Variants in CADPS observed in about 807,000 individuals in gnomAD.
CADPS encodes calcium dependent secretion activator.
CADPS carries 57 observed loss-of-function variants against 167.3 expected under a neutral mutation model. The ratio of observed to expected loss-of-function variants is 0.34; its 90% CI spans 0.28 to 0.42. CADPS has a LOEUF of 0.42. CADPS is among the 20% of genes least tolerant of loss of function. CADPS has a pLI of 1.00. For synonymous variants in CADPS, 676 were observed against 635.3 expected (o/e 1.06, Z -0.96); for missense variants, 1,414 against 1,738.1 (o/e 0.81, Z 3.32).
rs533813903 is a variant in CADPS at position 62,493,805 on chromosome 3, C to A, written c.2707-140G>T. The A allele has an allele frequency of 5.9e-5, 40 of 682,764 alleles. No homozygotes were observed. In the African/African-American group the frequency reaches 6.6e-4, roughly 11 times the overall value. The allele number at this position is 682,764 out of a possible 1,614,324, so 42.3% of individuals were successfully genotyped here. Reference sequence around the variant, plus strand: ...TCAGATTAATGGGAGAGGGGAGATGCTGGCCTGTCAGCAAAAAAAAGCCTA... The same window carrying A: ...TCAGATTAATGGGAGAGGGGAGATGATGGCCTGTCAGCAAAAAAAAGCCTA... On this transcript the variant is annotated intron_variant, in intron 18 of 29. Transcript: ENST00000383710.
intron 6 of CADPS, among the ~76,000 whole-genome samples, chr3:62,610,970 G>A (rs2061427296): frequency 6.6e-6 from 1 of 152,078 alleles, no homozygotes; most frequent in South Asian, 2.1e-4. Flanking sequence ...GGGTGTGGGG[G>A]AGAGAGTAGG....
intron 26 of CADPS, among the ~76,000 whole-genome samples, chr3:62,460,831 AC>A (rs886950823): frequency 2.6e-5 from 4 of 152,190 alleles, no homozygotes; most frequent in Non-Finnish European, 4.4e-5. Flanking sequence ...GACTGGACAT[AC>A]GGTAGGTTTC....
At chr3:62,858,539 T>C (rs2080141151) in intron 1 of CADPS, among the ~76,000 whole-genome samples, 1 of 152,144 alleles carries the variant, frequency 6.6e-6, no homozygotes, top group South Asian at 2.1e-4. Flanking sequence ...GGTATAATTT[T>C]TCATACCTGA....
Position 62,650,888 on chromosome 3 carries a change from G to T in CADPS, c.1162C>A (p.Gln388Lys), listed in dbSNP as rs2069939436. Residue 388 changes from glutamine (Q) to lysine (K), a missense_variant, in exon 5 of 30, where the codon CAG becomes AAG. Coordinates refer to ENST00000383710, the MANE Select transcript of CADPS (RefSeq NM_003716.4). ...IIDMGEESEN[Q>K]LSKSDVVLSF... ...AGCACGACATCTGACTTGGAGAGCTGGTTCTCACTCTCCTCGCCCATGTCG... is the reference window on the plus strand; with the variant it reads ...AGCACGACATCTGACTTGGAGAGCTTGTTCTCACTCTCCTCGCCCATGTCG... The T allele has an allele frequency of 6.2e-7, 1 of 1,614,000 alleles. No individual in the cohort carries two copies. The highest frequency in any genetic ancestry group is 8.5e-7 in the Non-Finnish European group (1 of 1,179,958).
intron 1 of CADPS, among the ~76,000 whole-genome samples, chr3:62,873,446 A>G (rs1209788649): frequency 2.0e-5 from 3 of 152,112 alleles, no homozygotes; most frequent in Non-Finnish European, 4.4e-5. Context: ...TGATAGCTCA[A>G]GTGCTGCAAA....
chr3:62,605,257 A>C (rs796260675), intron 6 of CADPS, among the ~76,000 whole-genome samples: 1 of 152,064 alleles, frequency 6.6e-6, no homozygotes, highest in African/African-American at 2.4e-5. Context: ...AAACAAAAAA[A>C]AAAAAACTGG....
chr3:62,469,344 T>C (rs1217490233), intron 24 of CADPS, among the ~76,000 whole-genome samples: 2 of 152,194 alleles, frequency 1.3e-5, no homozygotes, highest in African/African-American at 2.4e-5. Flanking sequence ...TATTGTTCTG[T>C]GCAGATGTGA....
At chr3:62,642,252 T>G (rs1451734847) in intron 6 of CADPS, among the ~76,000 whole-genome samples, 2 of 152,180 alleles carry the variant, frequency 1.3e-5, no homozygotes, top group Non-Finnish European at 2.9e-5. Flanking sequence ...AATGGAGTTT[T>G]GGTTTTAGAA....
chr3:62,542,345 A>G (rs1277426743), intron 11 of CADPS, among the ~76,000 whole-genome samples: 1 of 152,164 alleles, frequency 6.6e-6, no homozygotes, highest in Non-Finnish European at 1.5e-5. Context: ...TGTGCTTGTC[A>G]TATCTGCTTG....
intron 3 of CADPS, among the ~76,000 whole-genome samples, chr3:62,694,936 C>A (rs35354258): frequency 2.0e-5 from 3 of 151,952 alleles, no homozygotes; most frequent in Admixed American, 1.3e-4. Flanking sequence ...ACAGAATTCA[C>A]GGGCCCAGCA....
chr3:62,494,984 A>G (rs1393764082), intron 18 of CADPS, among the ~76,000 whole-genome samples: 1 of 152,122 alleles, frequency 6.6e-6, no homozygotes, highest in Non-Finnish European at 1.5e-5. Flanking sequence ...TTTTAGCTTA[A>G]AAGTTGCAAA....
chr3:62,592,565 T>C, intron 7 of CADPS, 72 bp downstream of exon 7: 13 of 1,107,524 alleles, frequency 1.2e-5, no homozygotes, highest in Non-Finnish European at 1.8e-5. Context: ...TGCCTCTTGG[T>C]GACCTGTGCA....
intron 6 of CADPS, among the ~76,000 whole-genome samples, chr3:62,599,602 TTTA>T (rs1315303047): frequency 1.2e-5 from 1 of 81,098 alleles, no homozygotes. Context: ...ATATTATATA[TTTA>T]TTATATTATA....
At chr3:62,666,673 C>A (rs1201616803) in intron 3 of CADPS, among the ~76,000 whole-genome samples, 1 of 152,162 alleles carries the variant, frequency 6.6e-6, no homozygotes, top group Admixed American at 6.5e-5. Context: ...ATTCCTTGGG[C>A]TTTTCCTTTA....
chr3:62,715,353 C>CCTATCTATCTATCTAT (rs10654479), intron 3 of CADPS, among the ~76,000 whole-genome samples: 2 of 140,374 alleles, frequency 1.4e-5, no homozygotes, highest in African/African-American at 5.1e-5. Context: ...GTTGGCCAGC[C>CCTATCTATCTATCTAT]CTATCTATCT....
chr3:62,463,061 C>A (rs1243631609), intron 26 of CADPS, among the ~76,000 whole-genome samples: 1 of 152,138 alleles, frequency 6.6e-6, no homozygotes, highest in African/African-American at 2.4e-5. Context: ...ATTACACTGC[C>A]TTTGCTAGGC....
intron 3 of CADPS, among the ~76,000 whole-genome samples, chr3:62,742,730 T>G (rs964162664): frequency 3.9e-5 from 6 of 152,042 alleles, no homozygotes; most frequent in Admixed American, 3.9e-4. Context: ...GATTTCATGA[T>G]GAAGACACCA....
At chr3:62,776,188 CAGG>C (rs1464930383) in intron 1 of CADPS, among the ~76,000 whole-genome samples, 1 of 152,078 alleles carries the variant, frequency 6.6e-6, no homozygotes, top group African/African-American at 2.4e-5. Flanking sequence ...AGGTAGTAGT[CAGG>C]AGGAGAGTGC....
chr3:62,467,402 TTAAA>T (rs1705605806), intron 24 of CADPS: 1 of 659,014 alleles, frequency 1.5e-6, no homozygotes, highest in Middle Eastern at 3.4e-4. Context: ...AAAATAAAAA[TTAAA>T]TAAAATATTC....
Sources: gnomAD v4.1 joint callset for allele counts (sites outside exome capture counted in the v4.1 genomes callset) on GRCh38, gnomAD v4.1.1 for gene constraint, MANE v1.5 for transcripts, NCBI Gene and HGNC (gene_info 2026-07-23, HGNC 2026-07-21) for gene names.